Variants in GMDS observed in about 807,000 individuals in gnomAD.
GMDS encodes GDP-mannose 4,6-dehydratase, also known as GDP-mannose 4,6 dehydratase.
A neutral mutation model predicts 49.9 loss-of-function variants in GMDS; 20 were observed. The ratio of observed to expected loss-of-function variants is 0.40; its 90% CI spans 0.28 to 0.58. The LOEUF (loss-of-function observed/expected upper bound fraction) is 0.58. Ranked by LOEUF, GMDS falls within the 20% of genes least tolerant of loss-of-function variation. GMDS has a pLI of 0.42. For missense variants in GMDS, 362 were observed against 481.4 expected, an observed-to-expected ratio of 0.75 and a Z score of 2.32; for synonymous variants, 177 against 178.6, an observed-to-expected ratio of 0.99 and a Z score of 0.07.
At chr6:2,240,673 T>TACTTTGAACAAAATGTAATGC (rs1781575259) in intron 1 of GMDS, among the ~76,000 whole-genome samples, 2 of 150,434 alleles carry the variant, frequency 1.3e-5, no homozygotes, top group Non-Finnish European at 3.0e-5. Context: ...TCAACAAATA[T>TACTTTGAACAAAATGTAATGC]ACTTTGAACA....
chr6:1,855,874 C>G (rs1321745073), intron 7 of GMDS, among the ~76,000 whole-genome samples: 2 of 152,188 alleles, frequency 1.3e-5, no homozygotes, highest in Non-Finnish European at 2.9e-5. Context: ...TACTACAATG[C>G]ACACACACAA....
intron 1 of GMDS, among the ~76,000 whole-genome samples, chr6:2,143,131 C>G (rs1359177137): frequency 6.6e-6 from 1 of 152,206 alleles, no homozygotes; most frequent in Non-Finnish European, 1.5e-5. Context: ...TACATATTTG[C>G]TCCATAAATT....
At chr6:2,041,615 G>C (rs1769686015) in intron 4 of GMDS, among the ~76,000 whole-genome samples, 2 of 152,326 alleles carry the variant, frequency 1.3e-5, no homozygotes, top group South Asian at 4.1e-4. Flanking sequence ...TGGGCCTGAA[G>C]AAGAGGTGGG....
intron 4 of GMDS, among the ~76,000 whole-genome samples, chr6:2,075,701 G>A (rs111932117): frequency 0.2 from 30,982 of 151,958 alleles, 3,520 homozygotes; most frequent in Non-Finnish European, 0.24. Context: ...ATTGTGAATA[G>A]TGCTGCAATA....
intron 6 of GMDS, among the ~76,000 whole-genome samples, chr6:1,944,332 C>T (rs1163065315): frequency 1.3e-5 from 2 of 152,126 alleles, no homozygotes; most frequent in Non-Finnish European, 2.9e-5. Flanking sequence ...CAGTGAAACC[C>T]CGTCTCTACT....
intron 4 of GMDS, among the ~76,000 whole-genome samples, chr6:2,011,186 G>A (rs184188056): frequency 5.8e-4 from 88 of 152,068 alleles, no homozygotes; most frequent in African/African-American, 2.1e-3. Flanking sequence ...TGGCCAAAAA[G>A]CATAAGAAAA....
intron 7 of GMDS, among the ~76,000 whole-genome samples, chr6:1,764,972 G>T (rs537033222): frequency 2.2e-4 from 33 of 152,258 alleles, no homozygotes; most frequent in African/African-American, 7.9e-4. Flanking sequence ...GGAGCTTCAT[G>T]AATTATTGTT....
At chr6:2,197,013 C>T (rs1242831179) in intron 1 of GMDS, among the ~76,000 whole-genome samples, 1 of 152,160 alleles carries the variant, frequency 6.6e-6, no homozygotes, top group African/African-American at 2.4e-5. Context: ...AAAAGGGTTG[C>T]AAGTTAAACC....
At chr6:1,893,193 CT>C (rs1197199049) in intron 7 of GMDS, among the ~76,000 whole-genome samples, 2,480 of 127,438 alleles carry the variant, frequency 0.019, 57 homozygotes, top group African/African-American at 0.068. Flanking sequence ...TTTTTGTTTT[CT>C]TTTTTTTTTT....
At chr6:1,877,863 G>A (rs1759155748) in intron 7 of GMDS, among the ~76,000 whole-genome samples, 1 of 152,018 alleles carries the variant, frequency 6.6e-6, no homozygotes, top group African/African-American at 2.4e-5. Context: ...CAAATTATAT[G>A]ATCTAAAAGC....
rs1345845593 is a variant in GMDS, at chr6:2,239,405, T to C, written c.102+5916A>G. 4.0e-5 allele frequency among the ~76,000 whole-genome samples: 6 copies of C among 151,890 alleles called. No individual in the cohort carries two copies. The East Asian group carries it at 1.2e-3, about 29-fold the overall frequency. On this transcript the variant is annotated intron_variant, in intron 1 of 10. Transcript: ENST00000380815. ...CTGCACTGCTTAAATATAAAGATAA[T>C]TGCATAATTTCTCTATTGTACACAT...
At chr6:1,803,120 G>A (rs1770014995) in intron 7 of GMDS, among the ~76,000 whole-genome samples, 1 of 152,190 alleles carries the variant, frequency 6.6e-6, no homozygotes, top group South Asian at 2.1e-4. Flanking sequence ...CATGCAGGCA[G>A]CCGACATAAC....
At chr6:2,232,262 T>A (rs2127595982) in intron 1 of GMDS, among the ~76,000 whole-genome samples, 1 of 152,258 alleles carries the variant, frequency 6.6e-6, no homozygotes, top group Admixed American at 6.5e-5. Flanking sequence ...TTTTTACCAG[T>A]CTATGTAAAA....
At chr6:1,987,675 G>T (rs186777018) in intron 4 of GMDS, among the ~76,000 whole-genome samples, 21 of 152,284 alleles carry the variant, frequency 1.4e-4, no homozygotes, top group Admixed American at 4.6e-4. Context: ...GAAAGGGAGA[G>T]GACGTTGGGT....
At chr6:1,940,450 C>T (rs1581394157) in intron 6 of GMDS, among the ~76,000 whole-genome samples, 1 of 152,228 alleles carries the variant, frequency 6.6e-6, no homozygotes, top group African/African-American at 2.4e-5. Context: ...TAATCTCTGG[C>T]CACCCCACTG....
intron 9 of GMDS, among the ~76,000 whole-genome samples, chr6:1,654,798 CA>C (rs1378263904): frequency 6.6e-6 from 1 of 152,124 alleles, no homozygotes; most frequent in Admixed American, 6.6e-5. Context: ...CATGGTGGCA[CA>C]AGCCTGTAAT....
intron 6 of GMDS, among the ~76,000 whole-genome samples, chr6:1,941,532 G>A (rs1762823852): frequency 6.6e-6 from 1 of 152,178 alleles, no homozygotes; most frequent in African/African-American, 2.4e-5. Flanking sequence ...TCTGAAAGAG[G>A]TGGACAAAAG....
At chr6:2,129,289 C>T (rs570358758) in intron 1 of GMDS, among the ~76,000 whole-genome samples, 2 of 152,248 alleles carry the variant, frequency 1.3e-5, no homozygotes, top group Admixed American at 6.5e-5. Context: ...CATCCCAACA[C>T]CTATGTACGA....
At chr6:1,659,787 T>C (rs1002228569) in intron 9 of GMDS, among the ~76,000 whole-genome samples, 1 of 152,156 alleles carries the variant, frequency 6.6e-6, no homozygotes, top group African/African-American at 2.4e-5. Context: ...AAGACTTTGT[T>C]ATTCAGGAAA....
Sources: gnomAD v4.1 joint callset for allele counts (sites outside exome capture counted in the v4.1 genomes callset) on GRCh38, gnomAD v4.1.1 for gene constraint, MANE v1.5 for transcripts, NCBI Gene and HGNC (gene_info 2026-07-23, HGNC 2026-07-21) for gene names.